Variants in HVCN1 observed in about 807,000 individuals in gnomAD.
HVCN1 encodes the protein hydrogen voltage gated channel 1, also known as voltage-gated hydrogen channel 1.
In HVCN1, 14 loss-of-function variants were observed where a neutral mutation model predicts 29.2. That is an observed-to-expected ratio of 0.48 (90% CI 0.32 to 0.75). The LOEUF (loss-of-function observed/expected upper bound fraction) is 0.75, where lower values mean the gene tolerates loss of function less well. Among genes scored for constraint, HVCN1 ranks in the 30% least tolerant of loss-of-function variants. The pLI, the probability that HVCN1 is intolerant of heterozygous loss-of-function variation, is 0.04. For synonymous variants in HVCN1, 131 were observed against 133.2 expected (o/e 0.98, Z 0.11); for missense variants, 263 against 341.8 (o/e 0.77, Z 1.82).
chr12:110,676,273 T>C lies in HVCN1; in HGVS notation c.21+6952A>G, dbSNP rs1249180777. 6.6e-6 allele frequency among the ~76,000 whole-genome samples: 1 copy of C among 152,194 alleles called. No homozygotes were observed. Among genetic ancestry groups the C allele is most frequent in the Non-Finnish European group, 1.5e-5 (1 of 68,028 alleles). ...CTCACTTGGAGGCTGTCGCAGCTCCTCTCTGCTCTCTCCTTCCCTGCTGCA... is the reference window on the plus strand; with the variant it reads ...CTCACTTGGAGGCTGTCGCAGCTCCCCTCTGCTCTCTCCTTCCCTGCTGCA... On this transcript the variant is annotated intron_variant, in intron 3 of 7. Transcript: ENST00000242607. The surrounding 1 kb of genome is among the most constrained non-coding windows in gnomAD (Gnocchi z 4.1).
At chr12:110,670,549 GA>G (rs1332154547) in intron 3 of HVCN1, among the ~76,000 whole-genome samples, 2 of 152,176 alleles carry the variant, frequency 1.3e-5, no homozygotes, top group African/African-American at 4.8e-5. Flanking sequence ...TAACAACCCT[GA>G]GGTTGAGGCC....
chr12:110,660,708 C>T (rs945942544), intron 4 of HVCN1, among the ~76,000 whole-genome samples: 10 of 152,204 alleles, frequency 6.6e-5, no homozygotes. Flanking sequence ...AACACTCCCA[C>T]CTGTGGCAGC....
At chr12:110,669,160 C>T (rs751624894) in intron 3 of HVCN1, among the ~76,000 whole-genome samples, 30 of 152,172 alleles carry the variant, frequency 2.0e-4, no homozygotes, top group Non-Finnish European at 3.8e-4. Flanking sequence ...CCTTCCACAT[C>T]CCCTAGGGCA....
intron 4 of HVCN1, among the ~76,000 whole-genome samples, chr12:110,659,639 CTG>C (rs1274322853): frequency 2.6e-5 from 4 of 152,234 alleles, no homozygotes; most frequent in African/African-American, 9.6e-5. Flanking sequence ...TCCTTCTAGA[CTG>C]TGTATGGTGG....
chr12:110,656,099 G>C (rs1294880346), intron 4 of HVCN1, among the ~76,000 whole-genome samples: 1 of 152,252 alleles, frequency 6.6e-6, no homozygotes, highest in African/African-American at 2.4e-5. Context: ...TGCCTCGGCA[G>C]TCCGAGTCCT....
intron 1 of HVCN1, among the ~76,000 whole-genome samples, 152 bp from the exon 2 acceptor site, chr12:110,688,860 TC>T (rs2069302241): frequency 6.6e-6 from 1 of 152,038 alleles, no homozygotes; most frequent in Non-Finnish European, 1.5e-5. Flanking sequence ...TCCCCTGGAC[TC>T]CAGTCCCTGC....
rs1182831682 is a variant in HVCN1, at chr12:110,655,348, G to A, written c.307-10C>T. On this transcript the variant is annotated splice_polypyrimidine_tract_variant and intron_variant, in intron 4 of 7. Transcript: ENST00000242607. ...AGCAGATGATGATGACCTGTGGGCC[G>A]AGGGAAGGTGCCAGAGATCATGAGA... 7 of 1,605,210 alleles carry A rather than the reference G, an allele frequency of 4.4e-6. No homozygotes were observed. Among genetic ancestry groups the A allele is most frequent in the African/African-American group, 1.3e-5 (1 of 74,708 alleles).
chr12:110,671,784 G>A (rs919520951), intron 3 of HVCN1, among the ~76,000 whole-genome samples: 1 of 152,208 alleles, frequency 6.6e-6, no homozygotes, highest in Non-Finnish European at 1.5e-5. Flanking sequence ...CTTTTGCTCA[G>A]AGCCCACCGG....
At chr12:110,678,488 C>T (rs2068831026) in intron 3 of HVCN1, among the ~76,000 whole-genome samples, 1 of 137,612 alleles carries the variant, frequency 7.3e-6, no homozygotes, top group Non-Finnish European at 1.5e-5. Flanking sequence ...TCTCACTCTG[C>T]CACCTAGGCT....
chr12:110,700,402 A>C (rs2069552813), intron 2 of HVCN1, among the ~76,000 whole-genome samples: 1 of 152,150 alleles, frequency 6.6e-6, no homozygotes, highest in Admixed American at 6.5e-5. Flanking sequence ...AGTGGCGTTT[A>C]AGCTGGGTCT....
At chr12:110,694,565 A>C (rs150696732), upstream of HVCN1, among the ~76,000 whole-genome samples, 232 of 152,314 alleles carry the variant, frequency 1.5e-3, 1 homozygote, top group African/African-American at 5.3e-3. The surrounding 1 kb of genome is among the most constrained non-coding windows in gnomAD (Gnocchi z 4.6). Flanking sequence ...CTAGGGCAAA[A>C]GCCCTGTCCT....
intron 2 of HVCN1, among the ~76,000 whole-genome samples, chr12:110,701,971 GT>G (rs1407086265): frequency 6.7e-6 from 1 of 149,870 alleles, no homozygotes; most frequent in Non-Finnish European, 1.5e-5. Context: ...TTGAGACGGA[GT>G]TTCACTCTTG....
rs2068049339 is a variant in HVCN1 at position 110,658,119 on chromosome 12, C to G, written c.307-2781G>C. 1.3e-5 allele frequency among the ~76,000 whole-genome samples: 2 copies of G among 152,164 alleles called. No homozygotes were observed. Among genetic ancestry groups the G allele is most frequent in the African/African-American group, 4.8e-5 (2 of 41,424 alleles). On this transcript the variant is annotated intron_variant, in intron 4 of 7. Coordinates refer to ENST00000242607, the MANE Select transcript of HVCN1 (RefSeq NM_032369.4). The surrounding 1 kb of genome is among the most constrained non-coding windows in gnomAD (Gnocchi z 5.0). Reference sequence around the variant, plus strand: ...GACTCCTGGGACCACTTTCCCTTGGCTCCACTCTGTCCTGTCATTCATGGC... The same window carrying G: ...GACTCCTGGGACCACTTTCCCTTGGGTCCACTCTGTCCTGTCATTCATGGC...
intron 3 of HVCN1, chr12:110,682,649 G>C (rs1339258407): frequency 6.3e-6 from 1 of 157,556 alleles, no homozygotes; most frequent in Non-Finnish European, 1.4e-5. Context: ...AAGGGCAGGG[G>C]TGGTAAATAA....
Position 110,651,431 on chromosome 12 carries a change from G to A in HVCN1, c.429C>T (p.Ser143=). The stretch of plus-strand genomic sequence containing the variant: ...TCATAAAAAAGACCAAGATGGTGAT[G>A]CTCATGTAGTGGAATACCTGAAGGG... ...NYAAMVFHYM[S]ITILVFFMME... is the part of the protein sequence containing the mutation. The change falls in exon 6 of 8, where the codon AGC becomes AGT. Residue 143 remains serine, a synonymous_variant. Coordinates refer to ENST00000242607, the MANE Select transcript of HVCN1 (RefSeq NM_032369.4). 1 of 1,612,072 alleles carries A rather than the reference G, an allele frequency of 6.2e-7. No homozygotes were observed. The highest frequency in any genetic ancestry group is 2.2e-5 in the East Asian group (1 of 44,884).
intron 3 of HVCN1, among the ~76,000 whole-genome samples, chr12:110,669,984 C>T (rs931674404): frequency 3.3e-5 from 5 of 151,918 alleles, no homozygotes; most frequent in African/African-American, 1.2e-4. Flanking sequence ...AGATTGCGCC[C>T]CTGCACTCCA....
chr12:110,703,127 G>A (rs946143320), intron 1 of HVCN1, among the ~76,000 whole-genome samples: 1 of 150,396 alleles, frequency 6.6e-6, no homozygotes, highest in Non-Finnish European at 1.5e-5. Flanking sequence ...TGGTGCAGTG[G>A]CTCCCAGCGC....
chr12:110,657,291 C>T (rs999445458), intron 4 of HVCN1, among the ~76,000 whole-genome samples: 1 of 151,968 alleles, frequency 6.6e-6, no homozygotes. Context: ...GTCAGGAGTT[C>T]GAGACCAGCC....
Position 110,675,190 on chromosome 12 carries a change from G to A in HVCN1, c.21+8035C>T, listed in dbSNP as rs2068706313. Among the ~76,000 whole-genome samples the A allele has an allele frequency of 2.6e-5, 4 of 152,248 alleles. No individual in the cohort carries two copies. The South Asian group carries it at 8.3e-4, about 32-fold the overall frequency. On this transcript the variant is annotated intron_variant, in intron 3 of 7. Coordinates refer to ENST00000242607, the MANE Select transcript of HVCN1 (RefSeq NM_032369.4). Reference sequence around the variant, plus strand: ...AAACAAACATAAAGCTGGGTGCGGTGGCTCATACCTGTAATCCCAGCGCTT... The same window carrying A: ...AAACAAACATAAAGCTGGGTGCGGTAGCTCATACCTGTAATCCCAGCGCTT...
Sources: allele counts gnomAD v4.1 joint callset (sites outside exome capture counted in the v4.1 genomes callset), GRCh38; gene constraint gnomAD v4.1.1; non-coding constraint Gnocchi (gnomAD v3.1); transcripts MANE v1.5; gene names NCBI Gene and HGNC (gene_info 2026-07-23, HGNC 2026-07-21).